The following FBXL17 variants were observed in gnomAD, a reference collection of about 807,000 sequenced individuals.
The protein encoded by FBXL17 is F-box/LRR-repeat protein 17.
In FBXL17, 22 loss-of-function variants were observed where a neutral mutation model predicts 66.2. That is an observed-to-expected ratio of 0.33 (90% confidence interval 0.24 to 0.47). The LOEUF is 0.47. Among genes scored for constraint, FBXL17 ranks in the 20% least tolerant of loss-of-function variants. The pLI, the probability that FBXL17 is intolerant of heterozygous loss-of-function variation, is 1.00. For missense variants in FBXL17, 878 were observed against 948.2 expected (o/e 0.93, Z 0.97); for synonymous variants, 474 against 400.5 (o/e 1.18, Z -2.19).
intron 4 of FBXL17, among the ~76,000 whole-genome samples, chr5:108,267,873 T>C (rs1056803183): frequency 2.6e-5 from 4 of 152,114 alleles, no homozygotes; most frequent in African/African-American, 9.7e-5. Context: ...TAAGACATTA[T>C]GAAAAACCAA....
intron 6 of FBXL17, among the ~76,000 whole-genome samples, chr5:108,130,547 T>A (rs866290087): frequency 2.6e-5 from 4 of 151,990 alleles, no homozygotes; most frequent in African/African-American, 9.7e-5. Context: ...GTAGTAAAAA[T>A]GTAAAAACCC....
chr5:108,160,935 G>C (rs1727345910), intron 6 of FBXL17, among the ~76,000 whole-genome samples: 2 of 152,030 alleles, frequency 1.3e-5, no homozygotes, highest in Non-Finnish European at 2.9e-5. Context: ...CATTTCCCTT[G>C]CTGAGAACAA....
intron 7 of FBXL17, among the ~76,000 whole-genome samples, chr5:107,904,008 A>G (rs1416776017): frequency 6.6e-6 from 1 of 152,192 alleles, no homozygotes. Context: ...ATTTATGAGA[A>G]TTACATTTTG....
intron 7 of FBXL17, among the ~76,000 whole-genome samples, chr5:107,925,544 G>C (rs1750498348): frequency 1.3e-5 from 2 of 152,216 alleles, no homozygotes; most frequent in South Asian, 4.1e-4. Flanking sequence ...AAATGCCACA[G>C]AATTATCTGC....
intron 6 of FBXL17, among the ~76,000 whole-genome samples, chr5:108,037,641 G>A (rs1746896516): frequency 6.6e-6 from 1 of 152,124 alleles, no homozygotes; most frequent in Non-Finnish European, 1.5e-5. Context: ...GAGTTCCCAG[G>A]ACCAAATCCA....
At chr5:108,220,787 T>A (rs1754830330) in intron 5 of FBXL17, among the ~76,000 whole-genome samples, 1 of 152,188 alleles carries the variant, frequency 6.6e-6, no homozygotes, top group South Asian at 2.1e-4. Flanking sequence ...GGTAACTATA[T>A]ATTTGCATTT....
Position 107,979,962 on chromosome 5 carries a change from T to C in FBXL17, c.1822+40963A>G, listed in dbSNP as rs560263707. Among the ~76,000 whole-genome samples, 6 of 152,314 alleles carry C rather than the reference T, an allele frequency of 3.9e-5. No homozygotes were observed. The East Asian group carries it at 1.2e-3, about 29-fold the overall frequency. ...ATAATGGTTTCTAAATATAAATGCATCTGGTATGCTCTGACAAATCTTTAA... is the reference window on the plus strand; with the variant it reads ...ATAATGGTTTCTAAATATAAATGCACCTGGTATGCTCTGACAAATCTTTAA... On this transcript the variant is annotated intron_variant, in intron 7 of 8. Transcript: ENST00000542267.
At chr5:108,177,923 A>G (rs1752854073) in intron 6 of FBXL17, among the ~76,000 whole-genome samples, 1 of 142,824 alleles carries the variant, frequency 7.0e-6, no homozygotes, top group Non-Finnish European at 1.5e-5. Flanking sequence ...ATATATATAT[A>G]TATATATATA....
intron 4 of FBXL17, among the ~76,000 whole-genome samples, chr5:108,325,128 T>C (rs926156696): frequency 2.6e-5 from 4 of 152,228 alleles, no homozygotes; most frequent in African/African-American, 9.6e-5. Flanking sequence ...TACACAACAC[T>C]GTGAATGTAC....
chr5:108,230,757 C>G (rs1302819726), intron 4 of FBXL17, among the ~76,000 whole-genome samples: 5 of 134,714 alleles, frequency 3.7e-5, no homozygotes, highest in Admixed American at 8.0e-5. Flanking sequence ...AATCTAAAGG[C>G]ATAAGAATGA....
chr5:108,287,016 A>C, intron 4 of FBXL17, among the ~76,000 whole-genome samples: 1 of 152,046 alleles, frequency 6.6e-6, no homozygotes, highest in East Asian at 1.9e-4. Flanking sequence ...GTCAACAAAA[A>C]CAAGCAATGG....
intron 7 of FBXL17, among the ~76,000 whole-genome samples, chr5:107,958,285 C>A (rs997549135): frequency 2.0e-5 from 3 of 151,988 alleles, no homozygotes; most frequent in African/African-American, 7.2e-5. Flanking sequence ...GTTTAAATAT[C>A]TCTTTTCCCT....
At chr5:108,129,555 T>C (rs1358393854) in intron 6 of FBXL17, among the ~76,000 whole-genome samples, 1 of 152,058 alleles carries the variant, frequency 6.6e-6, no homozygotes, top group African/African-American at 2.4e-5. Context: ...TAATATTTTC[T>C]ATACAGTGAA....
intron 7 of FBXL17, among the ~76,000 whole-genome samples, chr5:107,914,193 T>C (rs183342979): frequency 6.6e-6 from 1 of 152,064 alleles, no homozygotes; most frequent in East Asian, 1.9e-4. Context: ...AATCAGAGAG[T>C]ATAGTCAATT....
chr5:107,931,130 C>T (rs1016347807), intron 7 of FBXL17, among the ~76,000 whole-genome samples: 2 of 152,150 alleles, frequency 1.3e-5, no homozygotes, highest in Admixed American at 6.5e-5. Flanking sequence ...GCCAGTTGCA[C>T]ATCTGAACTG....
At chr5:108,174,649 T>C (rs1422375102) in intron 6 of FBXL17, among the ~76,000 whole-genome samples, 1 of 147,798 alleles carries the variant, frequency 6.8e-6, no homozygotes, top group East Asian at 2.0e-4. Flanking sequence ...ACACTAAATA[T>C]ACATTTGAAA....
At chr5:107,942,433 A>C (rs919535088) in intron 7 of FBXL17, among the ~76,000 whole-genome samples, 1 of 152,114 alleles carries the variant, frequency 6.6e-6, no homozygotes, top group African/African-American at 2.4e-5. Flanking sequence ...TTGATCTGCA[A>C]ATTCTTACCA....
chr5:108,320,778 A>G (rs1759581522), intron 4 of FBXL17, among the ~76,000 whole-genome samples: 1 of 151,788 alleles, frequency 6.6e-6, no homozygotes, highest in African/African-American at 2.4e-5. Flanking sequence ...AGCCTCTAAA[A>G]ACTTCATTTT....
At chr5:107,979,420 C>T (rs1752717661) in intron 7 of FBXL17, among the ~76,000 whole-genome samples, 1 of 152,196 alleles carries the variant, frequency 6.6e-6, no homozygotes, top group African/African-American at 2.4e-5. Context: ...GGTAACCACA[C>T]AAAGTAAACA....
Sources: gnomAD v4.1 joint callset for allele counts (sites outside exome capture counted in the v4.1 genomes callset) on GRCh38, gnomAD v4.1.1 for gene constraint, MANE v1.5 for transcripts, NCBI Gene and HGNC (gene_info 2026-07-23, HGNC 2026-07-21) for gene names.